OR9G4: variants seen among roughly 807,000 people sequenced by gnomAD.
OR9G4 encodes olfactory receptor 9G4.
OR9G4 carries 19 observed loss-of-function variants against 16.7 expected under a neutral mutation model. The ratio of observed to expected loss-of-function variants is 1.14; its 90% CI spans 0.79 to 1.67. The LOEUF (loss-of-function observed/expected upper bound fraction) is 1.67. Among genes scored for constraint, OR9G4 ranks in the 40% most tolerant of loss-of-function variants. OR9G4 has a pLI of 0.00. For missense variants in OR9G4, 428 were observed against 370.4 expected (o/e 1.16, Z -1.28); for synonymous variants, 182 against 146.2 (o/e 1.24, Z -1.76).
rs778395992 is a variant in OR9G4 at position 56,743,117 on chromosome 11, G to A, written c.650C>T (p.Ser217Phe). 6.2e-7 allele frequency: 1 copy of A among 1,614,026 alleles called. No individual in the cohort carries two copies. Among genetic ancestry groups the A allele is most frequent in the African/African-American group, 1.3e-5 (1 of 74,894 alleles). Reference protein sequence around the residue: ...VLSSILAILISYVNILLAILR... With the variant: ...VLSSILAILIFYVNILLAILR... Reference sequence around the variant, plus strand: ...GATAGCCAGGAGGATGTTGACATAGGAAATCAGGATAGCAAGAATGCTGGA... The same window carrying A: ...GATAGCCAGGAGGATGTTGACATAGAAAATCAGGATAGCAAGAATGCTGGA... Residue 217 changes from serine to phenylalanine, a missense_variant, in exon 2 of 2, where the codon TCC becomes TTC. Transcript: ENST00000641668.
chr11:56,743,567 G>A lies in OR9G4; in HGVS notation c.200C>T (p.Ser67Phe). The A allele has an allele frequency of 1.2e-6, 2 of 1,614,192 alleles. No homozygotes were observed. Among genetic ancestry groups the A allele is most frequent in the Non-Finnish European group, 1.7e-6 (2 of 1,180,030 alleles). Residue 67 changes from serine to phenylalanine, a missense_variant, in exon 2 of 2, where the codon TCT (serine) becomes TTT (phenylalanine). Coordinates refer to ENST00000641668, the MANE Select transcript of OR9G4 (RefSeq NM_001005284.2). ...AGAGGTATACCAGAAATCCAAAAAA[G>A]ACAGATTGCCAATGAAAAAGTACAT... is the stretch of plus-strand genomic sequence containing the variant. ...TPMYFFIGNL[S>F]FLDFWYTSVY...
chr11:56,743,591 A>T lies in OR9G4; in HGVS notation c.176T>A (p.Met59Lys), dbSNP rs904559503. 1 of 1,614,206 alleles carries T rather than the reference A, an allele frequency of 6.2e-7. No individual in the cohort carries two copies. The highest frequency in any genetic ancestry group is 1.3e-5 in the African/African-American group (1 of 75,066). ...AGACAGATTGCCAATGAAAAAGTAC[A>T]TAGGTGTATGCAAGTGGGAATCAGT... ...IRTDSHLHTP[M>K]YFFIGNLSFL... Residue 59 changes from methionine (M) to lysine (K), a missense_variant, in exon 2 of 2, where the codon ATG becomes AAG. Physicochemically the swap from Met to Lys is moderately conservative, Grantham distance 95. Coordinates refer to ENST00000641668, the MANE Select transcript of OR9G4 (RefSeq NM_001005284.2).
chr11:56,743,020 C>T lies in OR9G4; in HGVS notation c.747G>A (p.Met249Ile). 3 of 1,614,048 alleles carry T rather than the reference C, an allele frequency of 1.9e-6. No individual in the cohort carries two copies. The highest frequency in any genetic ancestry group is 1.1e-5 in the South Asian group (1 of 91,080). ...TAAACAACAATGATCCATAGAAGAG[C>T]ATGACTGAGATGAGGTGGGAAGCAC... ...STCASHLISV[M>I]LFYGSLLFMY... The change falls in exon 2 of 2, where the codon ATG becomes ATA. Residue 249 changes from methionine (M) to isoleucine (I), a missense_variant. Physicochemically the swap from Met to Ile is conservative, Grantham distance 10. Transcript: ENST00000641668.
chr11:56,743,936 A>G, intron 1 of OR9G4, 148 bp from the exon 2 acceptor site: 1 of 860,336 alleles, frequency 1.2e-6, no homozygotes, highest in Admixed American at 2.6e-5. Context: ...CATGATTTGG[A>G]AAAATTACTG....
chr11:56,742,621 G>T lies in OR9G4; in HGVS notation c.*207C>A. On this transcript the variant is annotated 3_prime_UTR_variant, in exon 2 of 2. Transcript: ENST00000641668. ...AAGGCAAAATACCATATTGCAGAAT[G>T]CCAAACAACCCAATATTATAAGTTT... 1 of 550,520 alleles carries T rather than the reference G, an allele frequency of 1.8e-6. No individual in the cohort carries two copies. The highest frequency in any genetic ancestry group is 3.2e-6 in the Non-Finnish European group (1 of 314,346). 34.1% of individuals were successfully genotyped at this position (550,520 alleles called of 1,614,324 possible).
rs1390168984 is a variant in OR9G4 at position 56,743,750 on chromosome 11, C to T, written c.17G>A (p.Cys6Tyr). The change falls in exon 2 of 2, where the codon TGC becomes TAC. Residue 6 changes from cysteine (C) to tyrosine (Y), a missense_variant. Physicochemically the swap from Cys to Tyr is radical, Grantham distance 194. Coordinates refer to ENST00000641668, the MANE Select transcript of OR9G4 (RefSeq NM_001005284.2). MEVGNCTILTEFILLG... is the reference protein window; with the variant it reads MEVGNYTILTEFILLG... ...CAAGATGAATTCAGTCAGGATGGTG[C>T]AATTTCCCACTTCCATGTCCACGGA... 1.9e-5 allele frequency: 30 copies of T among 1,613,964 alleles called. No homozygotes were observed. The African/African-American group carries it at 2.4e-4, about 13-fold the overall frequency.
In OR9G4 at chr11:56,743,701, C is replaced by A; in HGVS notation, c.66G>T (p.Gln22His). 1 of 1,614,168 alleles carries A rather than the reference C, an allele frequency of 6.2e-7. No homozygotes were observed. The highest frequency in any genetic ancestry group is 8.5e-7 in the Non-Finnish European group (1 of 1,180,032). Residue 22 changes from glutamine (Q) to histidine (H), a missense_variant, in exon 2 of 2, where the codon CAG becomes CAT. Physicochemically the swap from Gln to His is conservative, Grantham distance 24 (BLOSUM62 0). Coordinates refer to ENST00000641668, the MANE Select transcript of OR9G4 (RefSeq NM_001005284.2). ...ACACTCCAAATAGAATCGGCTGCCA[C>A]TGGGAATCTGCTGAGAAACCCAACA... is the stretch of plus-strand genomic sequence containing the variant. Reference protein sequence around the residue: ...FILLGFSADSQWQPILFGVFL... With the variant: ...FILLGFSADSHWQPILFGVFL...
In OR9G4 at chr11:56,743,317, T is replaced by C. The variant is rs1858338998; in HGVS notation, c.450A>G (p.Ile150Met). 5 of 1,614,162 alleles carry C rather than the reference T, an allele frequency of 3.1e-6. No individual in the cohort carries two copies. Among genetic ancestry groups the C allele is most frequent in the Non-Finnish European group, 4.2e-6 (5 of 1,180,024 alleles). The change falls in exon 2 of 2, where the codon ATA becomes ATG. Residue 150 changes from isoleucine (I) to methionine (M), a missense_variant. Ile to Met is a conservative substitution (Grantham distance 10). Coordinates refer to ENST00000641668, the MANE Select transcript of OR9G4 (RefSeq NM_001005284.2). The stretch of plus-strand genomic sequence containing the variant: ...GGGCTATGGCATTCAAAAATCCTCC[T>C]ATGTAGGAGCCAGCAACAAGCCCAG... ...LCTGLVAGSYIGGFLNAIAHT... is the reference protein window; with the variant it reads ...LCTGLVAGSYMGGFLNAIAHT...
In OR9G4 at chr11:56,747,183, T is replaced by TTTATTATTATTA. The variant is rs71058030; in HGVS notation, c.-23+1461_-23+1472dup. 2.5e-3 allele frequency among the ~76,000 whole-genome samples: 361 copies of TTTATTATTATTA among 142,834 alleles called. 1 individual carries two copies. Among genetic ancestry groups the TTTATTATTATTA allele is most frequent in the African/African-American group, 6.9e-3 (273 of 39,410 alleles). 93.7% of individuals were successfully genotyped at this position (142,834 alleles called of 152,430 possible). ...GCCGTCTCTGTCCCAGCATCAAAGA[T>TTTATTATTATTA]TTATTATTATTATTATTATTATTAT... is the stretch of plus-strand genomic sequence containing the variant. On this transcript the variant is annotated intron_variant, in intron 1 of 1. Transcript: ENST00000641668.
intron 1 of OR9G4, among the ~76,000 whole-genome samples, chr11:56,745,495 A>G (rs1205579270): frequency 6.6e-6 from 1 of 152,140 alleles, no homozygotes; most frequent in Non-Finnish European, 1.5e-5. Flanking sequence ...AGAAATTGTT[A>G]CGTGCCAGGT....
At chr11:56,746,276 G>C (rs1349790120) in intron 1 of OR9G4, among the ~76,000 whole-genome samples, 3 of 107,114 alleles carry the variant, frequency 2.8e-5, no homozygotes, top group Non-Finnish European at 5.0e-5. Flanking sequence ...CTGGGCGACA[G>C]AGCGAGACTC....
At position 56,741,266 on chromosome 11, in the gene OR9G4, C is replaced by G; in HGVS notation, c.*1562G>C. The G allele has an allele frequency of 2.9e-6, 1 of 342,768 alleles. No homozygotes were observed. Among genetic ancestry groups the G allele is most frequent in the Non-Finnish European group, 5.7e-6 (1 of 176,050 alleles). The allele number at this position is 342,768 out of a possible 1,614,324, so 21.2% of individuals were successfully genotyped here. A position where few individuals can be genotyped will look rare whatever the true frequency, so the allele number is the denominator to read the frequency against. ...TGTTTGTTATGATTTTGAGATCAGA[C>G]TATAATATATACTACAGTATTGTAG... On this transcript the variant is annotated 3_prime_UTR_variant, in exon 2 of 2. Transcript: ENST00000641668.
At chr11:56,748,333 C>T (rs192075144) in intron 1 of OR9G4, among the ~76,000 whole-genome samples, 48 of 152,320 alleles carry the variant, frequency 3.2e-4, no homozygotes, top group African/African-American at 1.1e-3. Flanking sequence ...AAATGCCATA[C>T]ACTAGTAGTT....
At chr11:56,746,040 TC>T (rs1858406473) in intron 1 of OR9G4, among the ~76,000 whole-genome samples, 1 of 152,048 alleles carries the variant, frequency 6.6e-6, no homozygotes, top group African/African-American at 2.4e-5. Context: ...ACGCCTGTAA[TC>T]CCAGCACTTT....
Position 56,743,336 on chromosome 11 carries a change from A to T in OR9G4, c.431T>A (p.Leu144His). Residue 144 changes from leucine (L) to histidine (H), a missense_variant, in exon 2 of 2, where the codon CTT becomes CAT. Transcript: ENST00000641668. The stretch of plus-strand genomic sequence containing the variant: ...TCCTCCTATGTAGGAGCCAGCAACA[A>T]GCCCAGTACAGAGGGCGGTGGACAT... ...GTMSTALCTG[L>H]VAGSYIGGFL... The T allele has an allele frequency of 6.2e-7, 1 of 1,614,228 alleles. No homozygotes were observed. Among genetic ancestry groups the T allele is most frequent in the Non-Finnish European group, 8.5e-7 (1 of 1,180,038 alleles).
In OR9G4 at chr11:56,741,232, TGTTTC is replaced by T. The variant is rs1436875126; in HGVS notation, c.*1591_*1595del. On this transcript the variant is annotated 3_prime_UTR_variant, in exon 2 of 2. Coordinates refer to ENST00000641668, the MANE Select transcript of OR9G4 (RefSeq NM_001005284.2). ...CAACAAGAAAAATTGTGTTTCTTTGTGTTTCGTTTGTTTGTTATGATTTTGAGATC... is the reference window on the plus strand; with the variant it reads ...CAACAAGAAAAATTGTGTTTCTTTGTGTTTGTTTGTTATGATTTTGAGATC... 1 of 340,374 alleles carries T rather than the reference TGTTTC, an allele frequency of 2.9e-6. No individual in the cohort carries two copies. The highest frequency in any genetic ancestry group is 5.6e-6 in the Non-Finnish European group (1 of 178,490). 21.1% of individuals were successfully genotyped at this position (340,374 alleles called of 1,614,324 possible).
At chr11:56,744,228 A>G (rs551949228) in intron 1 of OR9G4, among the ~76,000 whole-genome samples, 148 of 151,958 alleles carry the variant, frequency 9.7e-4, no homozygotes, top group African/African-American at 3.5e-3. Context: ...CCACCACACC[A>G]ACTCTACTAA....
In OR9G4 at chr11:56,742,851, G is replaced by C. The variant is rs539400809; in HGVS notation, c.916C>G (p.Gln306Glu). The C allele has an allele frequency of 5.6e-6, 9 of 1,613,868 alleles. No individual in the cohort carries two copies. In the East Asian group the frequency reaches 1.3e-4, roughly 24 times the overall value. Residue 306 changes from glutamine (Q) to glutamate (E), a missense_variant, in exon 2 of 2, where the codon CAG becomes GAG. Physicochemically the swap from Gln to Glu is conservative, Grantham distance 29. Coordinates refer to ENST00000641668, the MANE Select transcript of OR9G4 (RefSeq NM_001005284.2). ...CTTCATGTTTGTGGTTGTATAGTCTGTGTTGCTTTCCTGAAGGCCTCTTTG... is the reference window on the plus strand; with the variant it reads ...CTTCATGTTTGTGGTTGTATAGTCTCTGTTGCTTTCCTGAAGGCCTCTTTG... Reference protein sequence around the residue: ...DIKEAFRKATQTIQPQT With the variant: ...DIKEAFRKATETIQPQT
At position 56,748,638 on chromosome 11, in the gene OR9G4, CT is replaced by C. The variant is rs1488586422; in HGVS notation, c.-23+17del. 2.6e-5 allele frequency: 4 copies of C among 152,246 alleles called. No homozygotes were observed. The highest frequency in any genetic ancestry group is 9.6e-5 in the African/African-American group (4 of 41,456). The allele number at this position is 152,246 out of a possible 1,614,324, so 9.4% of individuals were successfully genotyped here. ...GAAAGGCCAGACTTCCTATTTGCCC[CT>C]GATCCCAGGTGCTTACCCTTGGTTT... On this transcript the variant is annotated intron_variant, in intron 1 of 1. Transcript: ENST00000641668.
Sources: allele counts gnomAD v4.1 joint callset (sites outside exome capture counted in the v4.1 genomes callset), GRCh38; gene constraint gnomAD v4.1.1; transcripts MANE v1.5; gene names NCBI Gene and HGNC (gene_info 2026-07-23, HGNC 2026-07-21).